ADGRL3: variants seen among roughly 807,000 people sequenced by gnomAD.
ADGRL3 encodes the protein calcium-independent alpha-latrotoxin receptor 3.
ADGRL3 carries 62 observed loss-of-function variants against 153.5 expected under a neutral mutation model. That is an observed-to-expected ratio of 0.40 (90% CI 0.33 to 0.50). The LOEUF (loss-of-function observed/expected upper bound fraction) is 0.50, where lower values mean the gene tolerates loss of function less well. Ranked by LOEUF, ADGRL3 falls within the 20% of genes least tolerant of loss-of-function variation. The pLI is 0.47. For synonymous variants in ADGRL3, 710 were observed against 672.5 expected (o/e 1.06, Z -0.86); for missense variants, 1,641 against 1,859.4 (o/e 0.88, Z 2.16).
intron 1 of ADGRL3, among the ~76,000 whole-genome samples, chr4:61,283,061 G>A (rs959052653): frequency 5.9e-5 from 9 of 152,032 alleles, no homozygotes; most frequent in Admixed American, 5.9e-4. Flanking sequence ...TATCTACATG[G>A]TTCTTCCTTT....
At chr4:61,939,237 C>T (rs1488399242) in intron 15 of ADGRL3, among the ~76,000 whole-genome samples, 1 of 151,974 alleles carries the variant, frequency 6.6e-6, no homozygotes, top group Non-Finnish European at 1.5e-5. Flanking sequence ...CTTAACATTG[C>T]AATTGAGAAA....
intron 6 of ADGRL3, among the ~76,000 whole-genome samples, chr4:61,680,519 G>A (rs2095313921): frequency 6.6e-6 from 1 of 150,412 alleles, no homozygotes; most frequent in Admixed American, 6.7e-5. Flanking sequence ...AAAATTTATA[G>A]GAAAACATAA....
At chr4:61,525,510 G>C (rs1480245919) in intron 4 of ADGRL3, among the ~76,000 whole-genome samples, 1 of 152,130 alleles carries the variant, frequency 6.6e-6, no homozygotes. Flanking sequence ...CTGTAGTGGG[G>C]ATTCTTTGGA....
In ADGRL3 at chr4:61,924,024, C is replaced by T. The variant is rs558249523; in HGVS notation, c.2113-10816C>T. Among the ~76,000 whole-genome samples, 21 of 152,012 alleles carry T rather than the reference C, an allele frequency of 1.4e-4. No homozygotes were observed. The East Asian group carries it at 2.3e-3, about 17-fold the overall frequency. On this transcript the variant is annotated intron_variant, in intron 13 of 26. Transcript: ENST00000683033. ...ACTTTTCAACATTTGCCGTTGTCAA[C>T]CCCTCTCCTCTCATTCTCCCTTAAA...
chr4:61,706,668 T>G lies in ADGRL3; in HGVS notation c.584-23954T>G, dbSNP rs555529972. Among the ~76,000 whole-genome samples, 15 of 152,260 alleles carry G rather than the reference T, an allele frequency of 9.9e-5. No homozygotes were observed. The South Asian group carries it at 3.1e-3, about 32-fold the overall frequency. On this transcript the variant is annotated intron_variant, in intron 6 of 26. Transcript: ENST00000683033. Reference sequence around the variant, plus strand: ...TCCACATCACCATTTCTCTCAGCCTTCATACAATTGCAGAGAGTTAGGGCT... The same window carrying G: ...TCCACATCACCATTTCTCTCAGCCTGCATACAATTGCAGAGAGTTAGGGCT...
chr4:61,497,467 ATGAG>A (rs2098332003), intron 3 of ADGRL3, 119 bp downstream of exon 3: 1 of 547,236 alleles, frequency 1.8e-6, no homozygotes, highest in African/African-American at 2.0e-5. Context: ...ATATGTTAGT[ATGAG>A]TAAGTTAAAA....
intron 2 of ADGRL3, among the ~76,000 whole-genome samples, chr4:61,488,061 G>T (rs1579134886): frequency 6.6e-6 from 1 of 152,040 alleles, no homozygotes; most frequent in East Asian, 1.9e-4. Flanking sequence ...TCACAAGAAA[G>T]TGATCCTGTG....
intron 2 of ADGRL3, among the ~76,000 whole-genome samples, chr4:61,477,216 AT>A (rs2098075065): frequency 6.6e-6 from 1 of 152,168 alleles, no homozygotes; most frequent in South Asian, 2.1e-4. Flanking sequence ...AATCGAATGA[AT>A]TTTCCATTAT....
chr4:61,572,301 T>C (rs1415201036), intron 4 of ADGRL3, among the ~76,000 whole-genome samples: 1 of 152,156 alleles, frequency 6.6e-6, no homozygotes, highest in East Asian at 1.9e-4. Context: ...CCTCAAGTAC[T>C]GAAGAAACTT....
chr4:62,006,003 C>CATATATATAT (rs1217370949), intron 21 of ADGRL3, among the ~76,000 whole-genome samples: 1 of 49,020 alleles, frequency 2.0e-5, no homozygotes, highest in Non-Finnish European at 3.8e-5. Context: ...CACACACACA[C>CATATATATAT]ATATATATAT....
At position 61,909,634 on chromosome 4, in the gene ADGRL3, G is replaced by A. The variant is rs747779615; in HGVS notation, c.1962G>A (p.Gly654=). Residue 654 remains glycine (G), a synonymous_variant, in exon 12 of 27, where the codon GGG becomes GGA. Coordinates refer to ENST00000683033, the MANE Select transcript of ADGRL3 (RefSeq NM_001387552.1). ...AGACAAGAAATCACTTGAATGCTGG[G>A]GACATCACCTACTCTGTCCGGGCCA... ...AEQTRNHLNA[G]DITYSVRAMD... is the part of the protein sequence containing the mutation. The A allele has an allele frequency of 1.2e-6, 2 of 1,613,260 alleles. No individual in the cohort carries two copies. Among genetic ancestry groups the A allele is most frequent in the South Asian group, 2.2e-5 (2 of 90,898 alleles).
At chr4:61,658,686 A>G (rs916166177) in intron 5 of ADGRL3, among the ~76,000 whole-genome samples, 9 of 152,114 alleles carry the variant, frequency 5.9e-5, no homozygotes, top group Admixed American at 2.0e-4. Flanking sequence ...TGACCTCCAG[A>G]TCACTACGTT....
At chr4:62,031,677 A>G (rs1260188315) in intron 23 of ADGRL3, 67 bp downstream of exon 23, 10 of 999,192 alleles carry the variant, frequency 1.0e-5, no homozygotes, top group East Asian at 2.4e-5. Context: ...CAGCCACAAC[A>G]TATTCTAATA....
intron 5 of ADGRL3, among the ~76,000 whole-genome samples, chr4:61,612,810 G>A (rs1433304387): frequency 1.3e-5 from 2 of 152,086 alleles, no homozygotes; most frequent in African/African-American, 4.8e-5. Context: ...CTGAAGTGCT[G>A]AGCTGTTTAG....
At chr4:61,323,185 G>T (rs966457114) in intron 1 of ADGRL3, among the ~76,000 whole-genome samples, 1 of 152,156 alleles carries the variant, frequency 6.6e-6, no homozygotes, top group Non-Finnish European at 1.5e-5. Flanking sequence ...AGGGCATCAA[G>T]TCCCTAGGCT....
intron 8 of ADGRL3, among the ~76,000 whole-genome samples, chr4:61,765,313 G>A (rs1322719837): frequency 6.6e-6 from 1 of 152,082 alleles, no homozygotes; most frequent in African/African-American, 2.4e-5. Flanking sequence ...GAATGAGACT[G>A]GAGCCTAATA....
intron 1 of ADGRL3, among the ~76,000 whole-genome samples, chr4:61,246,559 T>C (rs983964417): frequency 6.6e-6 from 1 of 152,046 alleles, no homozygotes; most frequent in African/African-American, 2.4e-5. Flanking sequence ...CTTAGCAATA[T>C]TGGCTTTGAA....
intron 1 of ADGRL3, among the ~76,000 whole-genome samples, chr4:61,289,126 A>G (rs1467360099): frequency 6.6e-6 from 1 of 151,928 alleles, no homozygotes. Context: ...CTTGAAACAG[A>G]CTTATCATAT....
At chr4:61,962,254 T>C (rs1216206186) in intron 17 of ADGRL3, among the ~76,000 whole-genome samples, 3 of 151,974 alleles carry the variant, frequency 2.0e-5, no homozygotes, top group Non-Finnish European at 4.4e-5. Flanking sequence ...AAAAGAAAGA[T>C]AGAAAGTAAA....
Sources: gnomAD v4.1 joint callset for allele counts (sites outside exome capture counted in the v4.1 genomes callset) on GRCh38, gnomAD v4.1.1 for gene constraint, MANE v1.5 for transcripts, NCBI Gene and HGNC (gene_info 2026-07-23, HGNC 2026-07-21) for gene names.